The following KCND2 variants were observed in gnomAD, a reference collection of about 807,000 sequenced individuals.
KCND2 encodes potassium voltage-gated channel subfamily D member 2.
A neutral mutation model predicts 54.4 loss-of-function variants in KCND2; 16 were observed. The ratio of observed to expected loss-of-function variants is 0.29; its 90% CI spans 0.20 to 0.45. The LOEUF is 0.45. Ranked by LOEUF, KCND2 falls within the 20% of genes least tolerant of loss-of-function variation. The probability of loss-of-function intolerance (pLI) is 1.00; values close to 1 mark genes in which losing one functional copy is unlikely to be tolerated. For synonymous variants in KCND2, 317 were observed against 310.7 expected, an observed-to-expected ratio of 1.02 and a Z score of -0.21; for missense variants, 486 against 824.2, an observed-to-expected ratio of 0.59 and a Z score of 5.02.
chr7:120,434,940 G>C lies in KCND2; in HGVS notation c.1115+159193G>C, dbSNP rs569089433. Among the ~76,000 whole-genome samples the C allele has an allele frequency of 2.0e-5, 3 of 151,660 alleles. No homozygotes were observed. The South Asian group carries it at 6.2e-4, about 32-fold the overall frequency. On this transcript the variant is annotated intron_variant, in intron 1 of 5. Coordinates refer to ENST00000331113, the MANE Select transcript of KCND2 (RefSeq NM_012281.3). ...AGAGGACACATTGTCTTCTATCCAA[G>C]ACTCATAGGATTGGAAGACTTGAAG...
intron 1 of KCND2, among the ~76,000 whole-genome samples, chr7:120,730,612 T>C (rs1475677032): frequency 6.6e-6 from 1 of 152,216 alleles, no homozygotes; most frequent in Non-Finnish European, 1.5e-5. Flanking sequence ...TTAATACTGT[T>C]ATTCTGGTGC....
intron 1 of KCND2, among the ~76,000 whole-genome samples, chr7:120,420,462 G>A (rs374567483): frequency 7.9e-5 from 12 of 152,296 alleles, no homozygotes; most frequent in Middle Eastern, 3.4e-3. Context: ...AAAAGAAAGA[G>A]CTTGGTGATG....
At chr7:120,622,715 TCACACACA>T (rs151116039) in intron 1 of KCND2, among the ~76,000 whole-genome samples, 62 of 127,254 alleles carry the variant, frequency 4.9e-4, no homozygotes, top group African/African-American at 1.6e-3. Context: ...TCTCTCTCTC[TCACACACA>T]CACACACACA....
chr7:120,339,404 A>G (rs1321058529), intron 1 of KCND2, among the ~76,000 whole-genome samples: 1 of 152,088 alleles, frequency 6.6e-6, no homozygotes, highest in Non-Finnish European at 1.5e-5. Context: ...CACAAATTTG[A>G]GAGCTTATTA....
intron 1 of KCND2, among the ~76,000 whole-genome samples, chr7:120,702,165 A>G (rs1195508772): frequency 2.0e-5 from 3 of 152,202 alleles, no homozygotes; most frequent in African/African-American, 7.2e-5. Flanking sequence ...GAAGACATAC[A>G]TGTGACCAAC....
chr7:120,283,945 A>G (rs1477182609), intron 1 of KCND2, among the ~76,000 whole-genome samples: 1 of 152,174 alleles, frequency 6.6e-6, no homozygotes, highest in Non-Finnish European at 1.5e-5. Context: ...CCATGTTTAT[A>G]GCAGATGTGT....
chr7:120,356,973 A>G (rs1800515415), intron 1 of KCND2, among the ~76,000 whole-genome samples: 1 of 152,088 alleles, frequency 6.6e-6, no homozygotes, highest in African/African-American at 2.4e-5. Flanking sequence ...TTCCAGGCTG[A>G]GCTGTGCTTT....
intron 1 of KCND2, among the ~76,000 whole-genome samples, chr7:120,663,062 T>C (rs1278576522): frequency 6.6e-6 from 1 of 152,220 alleles, no homozygotes; most frequent in African/African-American, 2.4e-5. Context: ...CAAGTGCCTC[T>C]AGACAAATAT....
intron 1 of KCND2, among the ~76,000 whole-genome samples, chr7:120,368,051 C>T (rs912979185): frequency 6.6e-5 from 10 of 152,236 alleles, no homozygotes; most frequent in Admixed American, 3.3e-4. Context: ...ACACACTGCT[C>T]ATCTTTTCTC....
chr7:120,373,192 T>G (rs1186810050), intron 1 of KCND2, among the ~76,000 whole-genome samples: 1 of 151,910 alleles, frequency 6.6e-6, no homozygotes, highest in Non-Finnish European at 1.5e-5. Context: ...CTCATCTTGT[T>G]GCTTTCCTCT....
chr7:120,608,601 C>G (rs1217680510), intron 1 of KCND2, among the ~76,000 whole-genome samples: 2 of 152,100 alleles, frequency 1.3e-5, no homozygotes, highest in Admixed American at 6.6e-5. Context: ...GTACATTTGT[C>G]TTGTTTTCCT....
intron 1 of KCND2, among the ~76,000 whole-genome samples, chr7:120,296,252 A>G (rs1323148767): frequency 6.6e-6 from 1 of 152,058 alleles, no homozygotes; most frequent in Non-Finnish European, 1.5e-5. Context: ...CAACTTTGGA[A>G]AGCTATGTTT....
chr7:120,536,830 G>A (rs1290613180), intron 1 of KCND2, among the ~76,000 whole-genome samples: 2 of 152,020 alleles, frequency 1.3e-5, no homozygotes, highest in Admixed American at 1.3e-4. Context: ...TCACCCATGA[G>A]GGATGTAATA....
At chr7:120,604,533 A>G (rs1243742053) in intron 1 of KCND2, among the ~76,000 whole-genome samples, 1 of 142,492 alleles carries the variant, frequency 7.0e-6, no homozygotes, top group Non-Finnish European at 1.6e-5. Context: ...AATAATAATA[A>G]TAATAATAAT....
chr7:120,624,509 G>A lies in KCND2; in HGVS notation c.1116-108394G>A, dbSNP rs547694650. 2.1e-4 allele frequency among the ~76,000 whole-genome samples: 32 copies of A among 152,286 alleles called. No individual in the cohort carries two copies. The South Asian group carries it at 6.6e-3, about 32-fold the overall frequency. On this transcript the variant is annotated intron_variant, in intron 1 of 5. Transcript: ENST00000331113. ...TAAAAACCCATGGTGGGCTGGGCAT[G>A]GTGGCTCAAACTTATAATCTCAGCA...
chr7:120,453,868 T>G (rs1378588571), intron 1 of KCND2, among the ~76,000 whole-genome samples: 2 of 152,118 alleles, frequency 1.3e-5, no homozygotes, highest in African/African-American at 4.8e-5. Flanking sequence ...GGGCGGATCA[T>G]GAGGTCACGA....
chr7:120,422,728 G>A (rs1801644560), intron 1 of KCND2, among the ~76,000 whole-genome samples: 1 of 152,186 alleles, frequency 6.6e-6, no homozygotes, highest in Non-Finnish European at 1.5e-5. Flanking sequence ...CCCAGGCAGT[G>A]TGGTTATTCC....
intron 1 of KCND2, among the ~76,000 whole-genome samples, chr7:120,590,001 C>CT (rs1562881327): frequency 6.6e-6 from 1 of 152,030 alleles, no homozygotes; most frequent in Admixed American, 6.6e-5. Flanking sequence ...TCGTTATTTC[C>CT]TTTTTTTGTT....
rs919193313 is a variant in KCND2 at position 120,576,419 on chromosome 7, G to A, written c.1116-156484G>A. ...TCTTGCCCTACTGCTAAACATTTAG[G>A]TTGATTCCATTGTTTTAATTTTGTA... is the stretch of plus-strand genomic sequence containing the variant. On this transcript the variant is annotated intron_variant, in intron 1 of 5. Transcript: ENST00000331113. Among the ~76,000 whole-genome samples, 3 of 152,070 alleles carry A rather than the reference G, an allele frequency of 2.0e-5. No homozygotes were observed. The South Asian group carries it at 6.2e-4, about 31-fold the overall frequency.
Sources: allele counts gnomAD v4.1 joint callset (sites outside exome capture counted in the v4.1 genomes callset), GRCh38; gene constraint gnomAD v4.1.1; transcripts MANE v1.5; gene names NCBI Gene and HGNC (gene_info 2026-07-23, HGNC 2026-07-21).